The following USP3 variants were observed in gnomAD, a reference collection of about 807,000 sequenced individuals.
The protein encoded by USP3 is ubiquitin carboxyl-terminal hydrolase 3.
A neutral mutation model predicts 72.3 loss-of-function variants in USP3; 20 were observed. The observed-to-expected ratio is 0.28, with a 90% confidence interval of 0.19 to 0.40. USP3 has a LOEUF of 0.40. USP3 is among the 10% of genes least tolerant of loss of function. The pLI is 1.00. For missense variants in USP3, 479 were observed against 633.9 expected, an observed-to-expected ratio of 0.76 and a Z score of 2.62; for synonymous variants, 222 against 225.3, an observed-to-expected ratio of 0.99 and a Z score of 0.13.
At chr15:63,573,477 G>A (rs950476758) in intron 9 of USP3, among the ~76,000 whole-genome samples, 1 of 152,192 alleles carries the variant, frequency 6.6e-6, no homozygotes, top group Non-Finnish European at 1.5e-5. Context: ...AGTGTTCTCC[G>A]CAGTAATATC....
At chr15:63,561,980 C>T (rs912400020) in intron 7 of USP3, among the ~76,000 whole-genome samples, 12 of 152,128 alleles carry the variant, frequency 7.9e-5, no homozygotes, top group Non-Finnish European at 1.8e-4. Flanking sequence ...TGGTTTGTTT[C>T]CTCACATAAA....
At chr15:63,522,814 A>C (rs2152654154) in intron 1 of USP3, among the ~76,000 whole-genome samples, 1 of 152,352 alleles carries the variant, frequency 6.6e-6, no homozygotes, top group Non-Finnish European at 1.5e-5. Flanking sequence ...TCATTGCTAT[A>C]CTGATAATGT....
intron 1 of USP3, among the ~76,000 whole-genome samples, chr15:63,511,266 T>A (rs867535135): frequency 2.3e-5 from 1 of 42,846 alleles, no homozygotes; most frequent in African/African-American, 6.2e-5. Context: ...TGCTTTTTCT[T>A]AAAAAAAAAA....
intron 2 of USP3, 75 bp downstream of exon 2, chr15:63,532,782 T>C: frequency 2.7e-6 from 4 of 1,497,708 alleles, no homozygotes; most frequent in Admixed American, 3.4e-5. Context: ...GTCAGAGTTT[T>C]ATTGATTTGG....
At chr15:63,511,752 G>A (rs1022678197) in intron 1 of USP3, among the ~76,000 whole-genome samples, 15 of 152,094 alleles carry the variant, frequency 9.9e-5, no homozygotes, top group African/African-American at 3.6e-4. Flanking sequence ...GAGGTGGTTT[G>A]TTGTAGGGTG....
At chr15:63,564,935 G>A (rs971984195) in intron 8 of USP3, among the ~76,000 whole-genome samples, 3 of 152,244 alleles carry the variant, frequency 2.0e-5, no homozygotes, top group Non-Finnish European at 1.5e-5. Context: ...GTGTGAGGCA[G>A]GGAGGTGGGG....
At chr15:63,542,547 G>C (rs1030684026) in intron 3 of USP3, among the ~76,000 whole-genome samples, 2 of 151,916 alleles carry the variant, frequency 1.3e-5, no homozygotes, top group Non-Finnish European at 2.9e-5. Context: ...TAATTACCAA[G>C]TAGAGTTAAT....
intron 1 of USP3, among the ~76,000 whole-genome samples, chr15:63,510,740 T>C (rs1251952339): frequency 6.6e-6 from 1 of 152,164 alleles, no homozygotes; most frequent in African/African-American, 2.4e-5. Flanking sequence ...ATGCTGAGAA[T>C]AGCATTAACA....
intron 1 of USP3, among the ~76,000 whole-genome samples, chr15:63,532,013 T>G (rs1280967554): frequency 6.6e-6 from 1 of 152,154 alleles, no homozygotes; most frequent in African/African-American, 2.4e-5. Context: ...AATGAATGAG[T>G]AGACAGCAAG....
rs776701682 is a variant in USP3 at position 63,559,905 on chromosome 15, G to A, written c.582G>A (p.Glu194=). ...ATTTCAAAGAACTGCCCGCCGTGGA[G>A]TTAAGGAATGGGAAAACAGCAGGAA... is the stretch of plus-strand genomic sequence containing the variant. ...CCYFKELPAV[E]LRNGKTAGRR... The change falls in exon 7 of 15, where the codon GAG becomes GAA. Residue 194 remains glutamate, a synonymous_variant. Coordinates refer to ENST00000380324, the MANE Select transcript of USP3 (RefSeq NM_006537.4). The A allele has an allele frequency of 1.1e-5, 17 of 1,614,114 alleles. No individual in the cohort carries two copies. In the South Asian group the frequency reaches 1.8e-4, roughly 17 times the overall value.
intron 1 of USP3, 42 bp from the exon 2 acceptor site, chr15:63,532,605 A>C (rs1463356282): frequency 1.2e-6 from 2 of 1,607,292 alleles, no homozygotes; most frequent in East Asian, 4.5e-5. Flanking sequence ...TTGGGAAATA[A>C]CATGATGCAA....
intron 1 of USP3, among the ~76,000 whole-genome samples, chr15:63,517,474 G>A (rs2152651036): frequency 6.6e-6 from 1 of 152,200 alleles, no homozygotes; most frequent in African/African-American, 2.4e-5. Context: ...TTTCTATAAA[G>A]ATCTGTTTTG....
Position 63,588,943 on chromosome 15 carries a change from G to A in USP3, c.1330-1G>A. On this transcript the variant is annotated splice_acceptor_variant, in intron 13 of 14. Transcript: ENST00000380324. LOFTEE classifies it high-confidence loss of function. The surrounding 1 kb of genome is among the most constrained non-coding windows in gnomAD (Gnocchi z 4.6). ...ACTGCTCCTTCTTCCTTGTTCTGTA[G>A]CCTGAGAACAGTGGCCCGGAGAGCT... The A allele has an allele frequency of 6.2e-7, 1 of 1,614,142 alleles. No individual in the cohort carries two copies. Among genetic ancestry groups the A allele is most frequent in the Non-Finnish European group, 8.5e-7 (1 of 1,180,026 alleles).
At chr15:63,561,235 TAAGAG>T (rs1011578349) in intron 7 of USP3, among the ~76,000 whole-genome samples, 8 of 152,052 alleles carry the variant, frequency 5.3e-5, no homozygotes, top group Admixed American at 1.3e-4. Context: ...GTGTATGAGT[TAAGAG>T]AAGAGTTAGT....
At chr15:63,567,551 T>C (rs2066711346) in intron 8 of USP3, among the ~76,000 whole-genome samples, 1 of 151,992 alleles carries the variant, frequency 6.6e-6, no homozygotes, top group Admixed American at 6.5e-5. Flanking sequence ...TTTCACCGTG[T>C]TAGCCAGGAT....
chr15:63,547,653 C>T (rs1200090308), intron 3 of USP3, among the ~76,000 whole-genome samples: 3 of 151,212 alleles, frequency 2.0e-5, no homozygotes, highest in African/African-American at 7.3e-5. Flanking sequence ...TCGCTTGAGT[C>T]CAGGAGGTCA....
At chr15:63,577,555 C>A (rs1251270144) in intron 11 of USP3, among the ~76,000 whole-genome samples, 1 of 152,120 alleles carries the variant, frequency 6.6e-6, no homozygotes, top group East Asian at 1.9e-4. Flanking sequence ...AGATCGAGAC[C>A]ATCCTGGCCA....
chr15:63,519,366 T>A (rs1444801126), intron 1 of USP3, among the ~76,000 whole-genome samples: 1 of 151,996 alleles, frequency 6.6e-6, no homozygotes, highest in East Asian at 1.9e-4. Context: ...TCATAATGTC[T>A]TGTTATTTTT....
rs529704767 is a variant in USP3, at chr15:63,588,696, C to T, written c.1216-6C>T. ...CACAATCTTTGACCGCATCTCTGTC[C>T]TCCAGGTGCTATGCTTACATTTGAA... On this transcript the variant is annotated splice_polypyrimidine_tract_variant and splice_region_variant and intron_variant, in intron 12 of 14. Transcript: ENST00000380324. The surrounding 1 kb of genome is among the most constrained non-coding windows in gnomAD (Gnocchi z 4.6). 1.9e-6 allele frequency: 3 copies of T among 1,601,592 alleles called. No individual in the cohort carries two copies. The highest frequency in any genetic ancestry group is 2.2e-5 in the East Asian group (1 of 44,828).
Sources: allele counts gnomAD v4.1 joint callset (sites outside exome capture counted in the v4.1 genomes callset), GRCh38; gene constraint gnomAD v4.1.1; non-coding constraint Gnocchi (gnomAD v3.1); transcripts MANE v1.5; gene names NCBI Gene and HGNC (gene_info 2026-07-23, HGNC 2026-07-21).